The following SCNN1A variants were observed in gnomAD, a reference collection of about 807,000 sequenced individuals.
SCNN1A encodes the protein sodium channel epithelial 1 subunit alpha.
Under a neutral mutation model 68.6 loss-of-function variants are expected in SCNN1A, and 65 were observed. The ratio of observed to expected loss-of-function variants is 0.95; its 90% CI spans 0.78 to 1.16. SCNN1A has a LOEUF of 1.16. SCNN1A is among the 50% of genes most tolerant of loss of function. The pLI is 0.00. For missense variants in SCNN1A, 880 were observed against 865.9 expected (o/e 1.02, Z -0.20); for synonymous variants, 357 against 353.3 (o/e 1.01, Z -0.12).
chr12:6,352,008 C>A (rs1948397034), intron 8 of SCNN1A, among the ~76,000 whole-genome samples: 1 of 152,132 alleles, frequency 6.6e-6, no homozygotes, highest in Non-Finnish European at 1.5e-5. Flanking sequence ...ACCTTGGCCT[C>A]TCAAAGTGCT....
chr12:6,369,707 G>A (rs555378148), intron 2 of SCNN1A, among the ~76,000 whole-genome samples: 9 of 152,004 alleles, frequency 5.9e-5, no homozygotes, highest in Non-Finnish European at 7.4e-5. Context: ...GGTGGTGGGC[G>A]CCTGTAGTCC....
At chr12:6,354,119 T>A (rs1421202525) in intron 8 of SCNN1A, among the ~76,000 whole-genome samples, 1 of 151,790 alleles carries the variant, frequency 6.6e-6, no homozygotes, top group Non-Finnish European at 1.5e-5. Context: ...TAGTCCCAGC[T>A]ATTCAGGAGG....
intron 4 of SCNN1A, among the ~76,000 whole-genome samples, chr12:6,356,594 G>T (rs1460134893): frequency 6.6e-6 from 1 of 152,180 alleles, no homozygotes; most frequent in East Asian, 1.9e-4. Flanking sequence ...TCTCAGAATG[G>T]TAGGTCCAAA....
At chr12:6,356,129 C>G (rs72657588) in intron 4 of SCNN1A, 814 of 549,276 alleles carry the variant, frequency 1.5e-3, no homozygotes, top group Non-Finnish European at 2.0e-3. Flanking sequence ...GAAGCTAAGG[C>G]TCAGAGAGCT....
chr12:6,363,500 G>A lies in SCNN1A; in HGVS notation c.627C>T (p.Ser209=). The stretch of plus-strand genomic sequence containing the variant: ...CCACCTGGGGGTTGTTGTCCCGCAA[G>A]CTGGAGGCCACGCTACGGGCTCGAC... ...GARRARSVAS[S]LRDNNPQVDW... is the part of the protein sequence containing the mutation. Residue 209 remains serine (S), a synonymous_variant, in exon 3 of 13, where the codon AGC becomes AGT. Transcript: ENST00000228916. The A allele has an allele frequency of 6.2e-7, 1 of 1,608,706 alleles. No individual in the cohort carries two copies. The highest frequency in any genetic ancestry group is 8.5e-7 in the Non-Finnish European group (1 of 1,177,564).
In SCNN1A at chr12:6,375,552, AGGG is replaced by A; in HGVS notation, c.-105_-103del. 1 of 1,533,084 alleles carries A rather than the reference AGGG, an allele frequency of 6.5e-7. No homozygotes were observed. Among genetic ancestry groups the A allele is most frequent in the Non-Finnish European group, 8.7e-7 (1 of 1,145,356 alleles). The allele number at this position is 1,533,084 out of a possible 1,614,324, so 95.0% of individuals were successfully genotyped here. The stretch of plus-strand genomic sequence containing the variant: ...TGGGGAGCCCGCCCGCTGGCCGGCC[AGGG>A]ATGGAAGCGACAGGAATCTCATTAG... On this transcript the variant is annotated 5_prime_UTR_variant, in exon 1 of 13. Transcript: ENST00000228916.
rs17846607 is a variant in SCNN1A, at chr12:6,347,897, G to A, written c.1986C>T (p.Ser662=). 12 of 1,598,438 alleles carry A rather than the reference G, an allele frequency of 7.5e-6. No individual in the cohort carries two copies. Among genetic ancestry groups the A allele is most frequent in the South Asian group, 1.1e-5 (1 of 89,012 alleles). ...SPGGSAGASS[S]TCPLGGP ...CTCAGGGCCCCCCCAGAGGACAGGT[G>A]GAGGAACTGGCCCCTGCAGAGCCCC... The change falls in exon 13 of 13, where the codon TCC becomes TCT. Residue 662 remains serine, a synonymous_variant. Coordinates refer to ENST00000228916, the MANE Select transcript of SCNN1A (RefSeq NM_001038.6).
intron 8 of SCNN1A, 107 bp from the exon 9 acceptor site, chr12:6,349,512 AT>A: frequency 1.3e-6 from 1 of 782,068 alleles, no homozygotes; most frequent in Non-Finnish European, 2.2e-6. Context: ...CAAGAGCATT[AT>A]TTAGCATTAT....
At chr12:6,375,664 C>T (rs1406798508), upstream of SCNN1A, 22 of 1,469,448 alleles carry the variant, frequency 1.5e-5, no homozygotes, top group Admixed American at 3.2e-4. Context: ...GGAGGGCTCC[C>T]GAGGGCAGGT....
At chr12:6,376,067 C>T, upstream of SCNN1A, 1 of 991,238 alleles carries the variant, frequency 1.0e-6, no homozygotes, top group Non-Finnish European at 1.2e-6. Context: ...CTTCCAGGAG[C>T]TAGAGGCTCA....
chr12:6,376,516 G>T (rs576799283), upstream of SCNN1A, among the ~76,000 whole-genome samples: 2 of 152,360 alleles, frequency 1.3e-5, no homozygotes, highest in African/African-American at 4.8e-5. Context: ...TGTGGCCAGC[G>T]CTGGAAAGGA....
intron 4 of SCNN1A, among the ~76,000 whole-genome samples, chr12:6,358,625 G>A (rs546480832): frequency 5.3e-5 from 8 of 152,200 alleles, no homozygotes; most frequent in Non-Finnish European, 8.8e-5. Context: ...TTGGGAGGCC[G>A]AGGCAGGAGG....
At chr12:6,349,622 C>T (rs540820692) in intron 8 of SCNN1A, among the ~76,000 whole-genome samples, 111 of 152,132 alleles carry the variant, frequency 7.3e-4, no homozygotes, top group African/African-American at 2.6e-3. Context: ...GTGGGAGGGT[C>T]GTTTGAGGCC....
Position 6,354,557 on chromosome 12 carries a change from T to C in SCNN1A, c.1243-2A>G, listed in dbSNP as rs1565478570. 1 of 1,607,102 alleles carries C rather than the reference T, an allele frequency of 6.2e-7. No homozygotes were observed. The stretch of plus-strand genomic sequence containing the variant: ...CTGGAAGCAGGAGTGAATACACACC[T>C]GGAAGGGAGGAGGGTGGAGAGGAGA... On this transcript the variant is annotated splice_acceptor_variant, in intron 7 of 12. Coordinates refer to ENST00000228916, the MANE Select transcript of SCNN1A (RefSeq NM_001038.6). LOFTEE classifies it high-confidence loss of function.
At chr12:6,354,363 G>C (rs1454943955) in intron 8 of SCNN1A, 75 bp downstream of exon 8, 2 of 937,328 alleles carry the variant, frequency 2.1e-6, no homozygotes, top group Non-Finnish European at 3.5e-6. Flanking sequence ...CCCACAAACA[G>C]GGGACTGAGA....
chr12:6,357,224 C>T (rs554585862), intron 4 of SCNN1A, among the ~76,000 whole-genome samples: 46 of 152,062 alleles, frequency 3.0e-4, no homozygotes, highest in Middle Eastern at 3.4e-3. Context: ...GGAAAGCAGG[C>T]ACAAGTTCCA....
chr12:6,368,928 G>C (rs1948726372), intron 2 of SCNN1A, among the ~76,000 whole-genome samples: 1 of 152,144 alleles, frequency 6.6e-6, no homozygotes, highest in East Asian at 1.9e-4. Flanking sequence ...GCTCTTGGGG[G>C]GTTAAGTGAG....
At chr12:6,363,750 G>A (rs1948624603) in intron 2 of SCNN1A, 40 bp from the exon 3 acceptor site, 3 of 1,541,974 alleles carry the variant, frequency 1.9e-6, no homozygotes, top group African/African-American at 1.4e-5. Flanking sequence ...CAGGGGCCCT[G>A]GAGCGAGTGT....
In SCNN1A at chr12:6,354,500, T is replaced by C. The variant is rs758087809; in HGVS notation, c.1298A>G (p.Tyr433Cys). 1.2e-6 allele frequency: 2 copies of C among 1,613,700 alleles called. No individual in the cohort carries two copies. Among genetic ancestry groups the C allele is most frequent in the Non-Finnish European group, 1.7e-6 (2 of 1,179,944 alleles). ...ESMIKECGCA[Y>C]IFYPRPQNVE... The stretch of plus-strand genomic sequence containing the variant: ...GTTCTGGGGCCGCGGATAGAAGATG[T>C]AGGCACAGCCACACTCCTTGATCAT... The change falls in exon 8 of 13, where the codon TAC becomes TGC. Residue 433 changes from tyrosine to cysteine, a missense_variant. By Grantham distance (194) the Tyr-to-Cys change is radical. Transcript: ENST00000228916.
Sources: gnomAD v4.1 joint callset for allele counts (sites outside exome capture counted in the v4.1 genomes callset) on GRCh38, gnomAD v4.1.1 for gene constraint, MANE v1.5 for transcripts, NCBI Gene and HGNC (gene_info 2026-07-23, HGNC 2026-07-21) for gene names.